CPVL: variants seen among roughly 807,000 people sequenced by gnomAD.
CPVL encodes probable serine carboxypeptidase CPVL.
A neutral mutation model predicts 63.7 loss-of-function variants in CPVL; 51 were observed. The observed-to-expected ratio is 0.80, with a 90% CI of 0.64 to 1.01. CPVL has a LOEUF of 1.01. CPVL is among the 50% of genes least tolerant of loss of function. The pLI is 0.00. For synonymous variants in CPVL, 195 were observed against 206.0 expected (o/e 0.95, Z 0.46); for missense variants, 530 against 573.1 (o/e 0.92, Z 0.77).
intron 11 of CPVL, among the ~76,000 whole-genome samples, chr7:29,033,819 A>G (rs1343044743): frequency 6.6e-6 from 1 of 152,180 alleles, no homozygotes. Flanking sequence ...GAGCAAAGCC[A>G]CTGCTTTTAG....
intron 1 of CPVL, among the ~76,000 whole-genome samples, chr7:29,188,681 C>G (rs185575649): frequency 2.7e-4 from 41 of 152,178 alleles, no homozygotes; most frequent in African/African-American, 9.9e-4. Context: ...CCTGGGCTGA[C>G]AAGCTAAAAC....
chr7:29,162,148 A>G (rs1199655053), intron 5 of CPVL, among the ~76,000 whole-genome samples: 1 of 152,198 alleles, frequency 6.6e-6, no homozygotes, highest in African/African-American at 2.4e-5. Context: ...TTACTATACA[A>G]CTGAACAACA....
intron 3 of CPVL, among the ~76,000 whole-genome samples, chr7:29,109,863 C>A (rs1788083654): frequency 6.6e-6 from 1 of 152,126 alleles, no homozygotes; most frequent in Non-Finnish European, 1.5e-5. Flanking sequence ...GGGGAAAAAG[C>A]AAAAACCAAC....
intron 10 of CPVL, among the ~76,000 whole-genome samples, chr7:29,065,537 G>A (rs926030143): frequency 6.6e-6 from 1 of 152,192 alleles, no homozygotes; most frequent in Admixed American, 6.5e-5. Flanking sequence ...AAATATTCCA[G>A]AAGGCTTGAA....
At position 28,995,700 on chromosome 7, in the gene CPVL, A is replaced by T. The variant is rs987980262; in HGVS notation, c.*72T>A. On this transcript the variant is annotated 3_prime_UTR_variant, in exon 13 of 13. Coordinates refer to ENST00000265394, the MANE Select transcript of CPVL (RefSeq NM_031311.5). ...ATGAAAAGATAATTTTTTTATTCCT[A>T]TGACATTTTCTGTTTTTACGATTTT... is the stretch of plus-strand genomic sequence containing the variant. The T allele has an allele frequency of 2.9e-5, 26 of 884,202 alleles. No individual in the cohort carries two copies. The highest frequency in any genetic ancestry group is 4.1e-5 in the Non-Finnish European group (23 of 562,032). 54.8% of individuals were successfully genotyped at this position (884,202 alleles called of 1,614,324 possible).
intron 1 of CPVL, among the ~76,000 whole-genome samples, chr7:29,140,305 C>G (rs1351190443): frequency 6.6e-6 from 1 of 152,126 alleles, no homozygotes; most frequent in South Asian, 2.1e-4. Flanking sequence ...AGGCTTCTAC[C>G]CACACTCTTC....
At chr7:29,104,559 C>T (rs928354152) in intron 3 of CPVL, among the ~76,000 whole-genome samples, 5 of 152,222 alleles carry the variant, frequency 3.3e-5, no homozygotes, top group Non-Finnish European at 5.9e-5. Flanking sequence ...CTGCACCCAG[C>T]CTCAAAATCT....
intron 5 of CPVL, among the ~76,000 whole-genome samples, chr7:29,167,122 C>A (rs984349019): frequency 2.0e-5 from 3 of 152,086 alleles, no homozygotes; most frequent in African/African-American, 7.2e-5. Flanking sequence ...TGGTAACATC[C>A]CTACCTTGAT....
chr7:29,135,060 C>T (rs1160578586), intron 1 of CPVL, among the ~76,000 whole-genome samples: 1 of 148,250 alleles, frequency 6.7e-6, no homozygotes, highest in African/African-American at 2.5e-5. Flanking sequence ...GCCATGATCG[C>T]ACCACTGCAC....
chr7:29,119,429 G>A (rs965697051), intron 2 of CPVL, among the ~76,000 whole-genome samples: 1 of 144,908 alleles, frequency 6.9e-6, no homozygotes, highest in African/African-American at 2.6e-5. Context: ...GCAGAGCGCA[G>A]TGAGCCGAGG....
chr7:29,044,770 T>C (rs1045439284), intron 11 of CPVL, among the ~76,000 whole-genome samples: 3 of 152,226 alleles, frequency 2.0e-5, no homozygotes, highest in Non-Finnish European at 4.4e-5. Context: ...CTGTGTTTCA[T>C]ACCAGTTGGG....
chr7:29,056,088 C>T (rs1245778412), intron 11 of CPVL, among the ~76,000 whole-genome samples: 1 of 152,120 alleles, frequency 6.6e-6, no homozygotes, highest in Non-Finnish European at 1.5e-5. Flanking sequence ...GTACAGAGTT[C>T]CCATGCACCC....
intron 9 of CPVL, 52 bp downstream of exon 9, chr7:29,071,719 CCT>C: frequency 6.5e-6 from 7 of 1,068,940 alleles, no homozygotes; most frequent in Non-Finnish European, 9.3e-6. Context: ...ACCCGCCCTC[CCT>C]CCCCAGATGG....
At chr7:29,113,970 T>C (rs1236629864) in intron 2 of CPVL, among the ~76,000 whole-genome samples, 1 of 152,180 alleles carries the variant, frequency 6.6e-6, no homozygotes, top group African/African-American at 2.4e-5. Context: ...CATATTAAGT[T>C]GGAGACTGGC....
chr7:29,183,771 TATGTAGATTAG>T (rs2128745677), intron 4 of CPVL, among the ~76,000 whole-genome samples: 1 of 152,320 alleles, frequency 6.6e-6, no homozygotes, highest in South Asian at 2.1e-4. Context: ...ATATATGATA[TATGTAGATTAG>T]ATATAGATTA....
upstream of CPVL, among the ~76,000 whole-genome samples, chr7:29,150,348 A>G (rs954992520): frequency 1.3e-5 from 2 of 152,276 alleles, no homozygotes; most frequent in African/African-American, 4.8e-5. Flanking sequence ...CTTGTCATAT[A>G]TAAAGGCTCA....
chr7:29,102,684 T>C (rs559346727), intron 3 of CPVL, among the ~76,000 whole-genome samples: 9 of 152,196 alleles, frequency 5.9e-5, no homozygotes, highest in East Asian at 1.9e-4. Context: ...GGGCCCTTTA[T>C]TGGAGCACAA....
At chr7:29,028,648 A>C (rs1787719453) in intron 12 of CPVL, among the ~76,000 whole-genome samples, 1 of 152,194 alleles carries the variant, frequency 6.6e-6, no homozygotes, top group Non-Finnish European at 1.5e-5. Context: ...TGAAGAGCAC[A>C]AACCATAAAT....
intron 5 of CPVL, among the ~76,000 whole-genome samples, chr7:29,165,184 C>T (rs927791272): frequency 9.9e-5 from 15 of 151,996 alleles, no homozygotes; most frequent in African/African-American, 3.6e-4. Flanking sequence ...GATTTATGGG[C>T]ATGTATATCT....
Sources: gnomAD v4.1 joint callset for allele counts (sites outside exome capture counted in the v4.1 genomes callset) on GRCh38, gnomAD v4.1.1 for gene constraint, MANE v1.5 for transcripts, NCBI Gene and HGNC (gene_info 2026-07-23, HGNC 2026-07-21) for gene names.